The following IFRD1 variants were observed in gnomAD, a reference collection of about 807,000 sequenced individuals.
IFRD1 encodes interferon-related developmental regulator 1.
In IFRD1, 35 loss-of-function variants were observed where a neutral mutation model predicts 52.9. The ratio of observed to expected loss-of-function variants is 0.66; its 90% CI spans 0.51 to 0.88. IFRD1 has a LOEUF of 0.88. IFRD1 is among the 40% of genes least tolerant of loss of function. IFRD1 has a pLI of 0.00. For missense variants in IFRD1, 517 were observed against 550.8 expected (o/e 0.94, Z 0.61); for synonymous variants, 184 against 188.4 (o/e 0.98, Z 0.19).
At chr7:112,437,921 T>C (rs1794749696) in intron 1 of IFRD1, among the ~76,000 whole-genome samples, 1 of 152,176 alleles carries the variant, frequency 6.6e-6, no homozygotes, top group African/African-American at 2.4e-5. Flanking sequence ...TTTAGCATGC[T>C]GAATGAGGTT....
intron 1 of IFRD1, among the ~76,000 whole-genome samples, chr7:112,441,374 T>G (rs1794884884): frequency 6.6e-6 from 1 of 151,758 alleles, no homozygotes; most frequent in Non-Finnish European, 1.5e-5. Flanking sequence ...GAGGGTTACC[T>G]GACCTCAGTG....
At chr7:112,455,381 A>G (rs909994709) in intron 1 of IFRD1, among the ~76,000 whole-genome samples, 1 of 152,072 alleles carries the variant, frequency 6.6e-6, no homozygotes, top group African/African-American at 2.4e-5. Context: ...GCTACTCAGG[A>G]GGCCGAGGCA....
At chr7:112,469,655 T>C (rs1795697886) in intron 9 of IFRD1, among the ~76,000 whole-genome samples, 1 of 152,140 alleles carries the variant, frequency 6.6e-6, no homozygotes, top group South Asian at 2.1e-4. Flanking sequence ...GCATCCCCTT[T>C]GAGTAGTAGA....
rs2117348587 is a variant in IFRD1 at position 112,477,090 on chromosome 7, C to G, written c.*1571C>G. The G allele has an allele frequency of 6.6e-6, 1 of 152,154 alleles. No individual in the cohort carries two copies. The highest frequency in any genetic ancestry group is 2.1e-4 in the South Asian group (1 of 4,816). 9.4% of individuals were successfully genotyped at this position (152,154 alleles called of 1,614,324 possible). ...TGGTTATGTTCCAAGTAGGTTAGAA[C>G]CATGGAAAAGAGATTGCAAATGGTA... is the stretch of plus-strand genomic sequence containing the variant. On this transcript the variant is annotated 3_prime_UTR_variant, in exon 12 of 12. Transcript: ENST00000403825.
chr7:112,448,126 T>TTAA (rs1795070118), upstream of IFRD1, among the ~76,000 whole-genome samples: 2 of 132,964 alleles, frequency 1.5e-5, no homozygotes, highest in South Asian at 2.4e-4. Flanking sequence ...CCTGTAGATT[T>TTAA]AAAAAAAAAA....
chr7:112,426,816 T>C (rs1384514975), intron 1 of IFRD1, among the ~76,000 whole-genome samples: 1 of 152,214 alleles, frequency 6.6e-6, no homozygotes, highest in African/African-American at 2.4e-5. Flanking sequence ...CACAACCTCT[T>C]ATTGTAACCC....
chr7:112,444,742 A>T (rs4727770), intron 1 of IFRD1, among the ~76,000 whole-genome samples: 30,871 of 152,050 alleles, frequency 0.2, 3,220 homozygotes, highest in Middle Eastern at 0.29. Context: ...CAGCATTGCA[A>T]ATAAAACCCA....
intron 8 of IFRD1, 134 bp from the exon 9 acceptor site, chr7:112,467,847 C>T: frequency 1.1e-6 from 1 of 871,186 alleles, no homozygotes; most frequent in South Asian, 1.4e-5. Context: ...TGCCTAGTCC[C>T]TAAATACCAT....
At chr7:112,438,933 C>T (rs778699904) in intron 1 of IFRD1, among the ~76,000 whole-genome samples, 2 of 152,060 alleles carry the variant, frequency 1.3e-5, no homozygotes, top group African/African-American at 2.4e-5. Context: ...GGATTCCTCC[C>T]GTTGAAAGAT....
intron 1 of IFRD1, 36 bp from the exon 2 acceptor site, chr7:112,455,727 T>A (rs6944364): frequency 1.4e-6 from 2 of 1,399,646 alleles, no homozygotes; most frequent in Admixed American, 3.4e-5. Context: ...TATATGGCAA[T>A]AAAATAATTT....
chr7:112,436,529 C>T (rs1794696818), intron 1 of IFRD1, among the ~76,000 whole-genome samples: 2 of 151,540 alleles, frequency 1.3e-5, no homozygotes, highest in South Asian at 2.1e-4. Context: ...TTGTTGAGTG[C>T]CTGTCTGTGC....
intron 9 of IFRD1, among the ~76,000 whole-genome samples, chr7:112,471,180 G>A (rs183795478): frequency 4.1e-4 from 63 of 152,160 alleles, no homozygotes; most frequent in South Asian, 6.2e-4. Context: ...CGCACCAGAC[G>A]GTCACTGTGT....
intron 1 of IFRD1, among the ~76,000 whole-genome samples, chr7:112,432,560 C>A (rs111754692): frequency 2.6e-5 from 4 of 152,172 alleles, no homozygotes. Context: ...ACCTTTGAAC[C>A]AATTCCATGT....
intron 1 of IFRD1, 191 bp downstream of exon 1, chr7:112,450,973 C>T: frequency 1.6e-6 from 1 of 619,322 alleles, no homozygotes; most frequent in Non-Finnish European, 2.9e-6. Flanking sequence ...TTAGATCTGG[C>T]GTGCGAACCG....
In IFRD1 at chr7:112,475,446, C is replaced by A. The variant is rs1377454438; in HGVS notation, c.1283C>A (p.Ala428Glu). 6.2e-7 allele frequency: 1 copy of A among 1,607,514 alleles called. No homozygotes were observed. Among genetic ancestry groups the A allele is most frequent in the East Asian group, 2.2e-5 (1 of 44,774 alleles). ...TCATTTTAGCATTTATATAACTCTG[C>A]AGCCTTCAAAGCTCGAACCAAAGCT... ...SRFERHLYNS[A>E]AFKARTKARS... The change falls in exon 12 of 12, where the codon GCA becomes GAA. Residue 428 changes from alanine (A) to glutamate (E), a missense_variant. Physicochemically the swap from Ala to Glu is moderately radical, Grantham distance 107. Coordinates refer to ENST00000403825, the MANE Select transcript of IFRD1 (RefSeq NM_001550.4).
Position 112,424,276 on chromosome 7 carries a change from G to C in IFRD1, c.-182+844G>C, listed in dbSNP as rs185144185. Among the ~76,000 whole-genome samples the C allele has an allele frequency of 2.0e-3, 301 of 152,252 alleles. 1 individual carries two copies. The highest frequency in any genetic ancestry group is 6.9e-3 in the African/African-American group (286 of 41,540). On this transcript the variant is annotated intron_variant, in intron 1 of 12. Transcript: ENST00000005558. Reference sequence around the variant, plus strand: ...CAGGTGGCAGAGAGTTCTGTTGCAGGCATACTTTTGGTTGTAAATTGACTG... The same window carrying C: ...CAGGTGGCAGAGAGTTCTGTTGCAGCCATACTTTTGGTTGTAAATTGACTG...
In IFRD1 at chr7:112,450,487, A is replaced by G. The variant is rs1795125407; in HGVS notation, c.-202A>G. 4.9e-6 allele frequency: 3 copies of G among 617,132 alleles called. No homozygotes were observed. Among genetic ancestry groups the G allele is most frequent in the East Asian group, 2.8e-5 (1 of 35,892 alleles). The allele number at this position is 617,132 out of a possible 1,614,324, so 38.2% of individuals were successfully genotyped here. ...CTTAGCTCCCGCGCTAGAGAGAAAC[A>G]TGTATCGTTTTCGATCACAGCTCTT... On this transcript the variant is annotated 5_prime_UTR_variant, in exon 1 of 12. It removes an upstream start codon present in the reference 5' UTR. Coordinates refer to ENST00000403825, the MANE Select transcript of IFRD1 (RefSeq NM_001550.4).
At chr7:112,435,621 G>GGGGTGTGTGTGTGTGTGTGTGTGT (rs1554503431) in intron 1 of IFRD1, 2 of 108,928 alleles carry the variant, frequency 1.8e-5, no homozygotes, top group East Asian at 2.9e-4. Context: ...ATCTGCTACA[G>GGGGTGTGTGTGTGTGTGTGTGTGT]GTGTGTGTGT....
chr7:112,432,978 A>C (rs751256822), intron 1 of IFRD1, among the ~76,000 whole-genome samples: 1 of 152,226 alleles, frequency 6.6e-6, no homozygotes, highest in Non-Finnish European at 1.5e-5. Flanking sequence ...TCCCCAATGA[A>C]TATATCCATT....
Sources: gnomAD v4.1 joint callset for allele counts (sites outside exome capture counted in the v4.1 genomes callset) on GRCh38, gnomAD v4.1.1 for gene constraint, MANE v1.5 for transcripts, NCBI Gene and HGNC (gene_info 2026-07-23, HGNC 2026-07-21) for gene names.